Variants in STARD9 observed in about 807,000 individuals in gnomAD.
The protein encoded by STARD9 is StAR related lipid transfer domain containing 9.
A neutral mutation model predicts 399.8 loss-of-function variants in STARD9; 346 were observed. That is an observed-to-expected ratio of 0.87 (90% CI 0.79 to 0.95). The LOEUF (loss-of-function observed/expected upper bound fraction) is 0.95. STARD9 is among the 40% of genes least tolerant of loss of function. The pLI is 0.00. For synonymous variants in STARD9, 2,203 were observed against 2,143.5 expected (o/e 1.03, Z -0.77); for missense variants, 5,832 against 5,667.5 (o/e 1.03, Z -0.93).
chr15:42,585,343 C>T (rs1379531687), intron 2 of STARD9, among the ~76,000 whole-genome samples, 178 bp from the exon 3 acceptor site: 1 of 152,148 alleles, frequency 6.6e-6, no homozygotes, highest in Non-Finnish European at 1.5e-5. Flanking sequence ...GTTATCTGTG[C>T]TTTATTTGTA....
At chr15:42,666,453 G>A (rs1057219857) in intron 15 of STARD9, among the ~76,000 whole-genome samples, 9 of 152,248 alleles carry the variant, frequency 5.9e-5, no homozygotes, top group Admixed American at 2.6e-4. Context: ...CATAAGCAAA[G>A]CCTTGAAACT....
intron 18 of STARD9, 65 bp downstream of exon 18, chr15:42,675,029 C>T: frequency 7.1e-7 from 1 of 1,415,356 alleles, no homozygotes; most frequent in Non-Finnish European, 9.2e-7. Flanking sequence ...TTTCATGGGC[C>T]CAAAGAGCTC....
At chr15:42,602,010 C>T (rs1480369906) in intron 3 of STARD9, among the ~76,000 whole-genome samples, 1 of 152,164 alleles carries the variant, frequency 6.6e-6, no homozygotes, top group Non-Finnish European at 1.5e-5. Flanking sequence ...CCACGCCCGG[C>T]TCGTTTTTAT....
intron 3 of STARD9, among the ~76,000 whole-genome samples, chr15:42,615,716 A>T (rs1212805329): frequency 2.2e-5 from 3 of 138,522 alleles, no homozygotes; most frequent in Admixed American, 7.2e-5. Flanking sequence ...AAAGGAGATT[A>T]AAAAAAAAAA....
At chr15:42,594,895 G>T (rs1308182877) in intron 3 of STARD9, among the ~76,000 whole-genome samples, 2 of 152,158 alleles carry the variant, frequency 1.3e-5, no homozygotes, top group African/African-American at 4.8e-5. Context: ...CATACCTGTT[G>T]TTATGCGTTC....
chr15:42,689,250 G>T lies in STARD9; in HGVS notation c.7672G>T (p.Ala2558Ser). ...CLAILEEIRQ[A>S]KAQRKQLHDF... ...GGCCATCTTGGAGGAGATCAGACAG[G>T]CAAAGGCCCAGAGAAAGCAGCTTCA... Residue 2558 changes from alanine (A) to serine (S), a missense_variant, in exon 23 of 33, where the codon GCA becomes TCA. Physicochemically the swap from Ala to Ser is moderately conservative, Grantham distance 99 (BLOSUM62 1). Transcript: ENST00000290607. 6.5e-7 allele frequency: 1 copy of T among 1,537,282 alleles called. No homozygotes were observed. The highest frequency in any genetic ancestry group is 8.7e-7 in the Non-Finnish European group (1 of 1,146,914).
chr15:42,591,452 C>T (rs1371059576), intron 3 of STARD9, among the ~76,000 whole-genome samples: 2 of 151,364 alleles, frequency 1.3e-5, no homozygotes, highest in Non-Finnish European at 2.9e-5. Context: ...CGCACCACTG[C>T]ACTCCAGCCA....
chr15:42,606,078 A>G (rs770269074), intron 3 of STARD9, among the ~76,000 whole-genome samples: 19 of 152,214 alleles, frequency 1.2e-4, no homozygotes, highest in Non-Finnish European at 1.6e-4. Flanking sequence ...GCTTGCTTCA[A>G]TGGGAAGGGA....
intron 26 of STARD9, among the ~76,000 whole-genome samples, chr15:42,710,721 A>G (rs2061197183): frequency 6.6e-6 from 1 of 152,240 alleles, no homozygotes. Flanking sequence ...TCTGTAGGCT[A>G]GAAGTCCAAA....
intron 7 of STARD9, among the ~76,000 whole-genome samples, chr15:42,645,073 C>G (rs2059621152): frequency 6.6e-6 from 1 of 152,194 alleles, no homozygotes; most frequent in African/African-American, 2.4e-5. Flanking sequence ...TCTTGAACCC[C>G]TTAAAGTCAT....
chr15:42,661,667 G>A (rs1334603770), intron 10 of STARD9, among the ~76,000 whole-genome samples: 1 of 151,730 alleles, frequency 6.6e-6, no homozygotes, highest in Non-Finnish European at 1.5e-5. Context: ...ATGTTGCCCT[G>A]GCTGGCCTCG....
At chr15:42,675,160 C>G (rs978977563) in intron 18 of STARD9, among the ~76,000 whole-genome samples, 196 bp downstream of exon 18, 1 of 152,172 alleles carries the variant, frequency 6.6e-6, no homozygotes, top group African/African-American at 2.4e-5. Flanking sequence ...TGAAGAATGA[C>G]TGTATGAAAT....
chr15:42,665,994 C>CG (rs1595733858), intron 15 of STARD9, 146 bp downstream of exon 15: 1 of 706,888 alleles, frequency 1.4e-6, no homozygotes, highest in African/African-American at 1.8e-5. Flanking sequence ...AAGCCTTGAC[C>CG]GGGGGATGTG....
At chr15:42,663,945 G>A (rs962558129) in intron 13 of STARD9, 28 bp downstream of exon 13, 1 of 1,402,606 alleles carries the variant, frequency 7.1e-7, no homozygotes. Flanking sequence ...GTCCTGGTCT[G>A]GTATAGTTTA....
At chr15:42,702,839 A>G (rs1217430642) in intron 26 of STARD9, among the ~76,000 whole-genome samples, 1 of 152,112 alleles carries the variant, frequency 6.6e-6, no homozygotes, top group African/African-American at 2.4e-5. Context: ...TTCCTTCAGC[A>G]CTTTGACTGT....
intron 16 of STARD9, chr15:42,671,929 C>G (rs1811108747): frequency 6.6e-6 from 1 of 152,158 alleles, no homozygotes; most frequent in African/African-American, 2.4e-5. Flanking sequence ...GGCATGAGCC[C>G]TCACGCCCCG....
At chr15:42,630,300 G>A (rs2059308442) in intron 3 of STARD9, among the ~76,000 whole-genome samples, 2 of 152,118 alleles carry the variant, frequency 1.3e-5, no homozygotes, top group South Asian at 4.1e-4. Flanking sequence ...ACCACGCCCA[G>A]CCTGAATGAT....
intron 3 of STARD9, among the ~76,000 whole-genome samples, chr15:42,631,113 G>A (rs1230868982): frequency 1.3e-5 from 2 of 151,642 alleles, no homozygotes; most frequent in East Asian, 3.9e-4. Context: ...CCAAAGTGCT[G>A]GGATTACAGA....
chr15:42,702,425 A>G (rs1171603552), intron 26 of STARD9, among the ~76,000 whole-genome samples: 3 of 152,082 alleles, frequency 2.0e-5, no homozygotes, highest in African/African-American at 7.2e-5. Context: ...GCTGGTCTCC[A>G]ACTCCTGACC....
Sources: allele counts gnomAD v4.1 joint callset (sites outside exome capture counted in the v4.1 genomes callset), GRCh38; gene constraint gnomAD v4.1.1; transcripts MANE v1.5; gene names NCBI Gene and HGNC (gene_info 2026-07-23, HGNC 2026-07-21).